The following SRL variants were observed in gnomAD, a reference collection of about 807,000 sequenced individuals.
SRL encodes the protein sarcalumenin.
In SRL, 23 loss-of-function variants were observed where a neutral mutation model predicts 39.5. The ratio of observed to expected loss-of-function variants is 0.58; its 90% CI spans 0.42 to 0.82. SRL has a LOEUF of 0.82. Ranked by LOEUF, SRL falls within the 40% of genes least tolerant of loss-of-function variation. The pLI is 0.00. For synonymous variants in SRL, 272 were observed against 237.4 expected (o/e 1.15, Z -1.34); for missense variants, 592 against 607.8 (o/e 0.97, Z 0.27).
At position 4,198,897 on chromosome 16, in the gene SRL, C is replaced by G. The variant is rs2052184259; in HGVS notation, c.260-982G>C. 1.3e-5 allele frequency among the ~76,000 whole-genome samples: 2 copies of G among 152,184 alleles called. 1 individual carries two copies. The highest frequency in any genetic ancestry group is 4.1e-4 in the South Asian group (2 of 4,828). On this transcript the variant is annotated intron_variant, in intron 3 of 5. Coordinates refer to ENST00000399609, the MANE Select transcript of SRL (RefSeq NM_001098814.2). ...GGGAGATGACCCTGCAAGGGCCACT[C>G]CAGGTGGGTCCCTAAGAGGAAAAAT...
At chr16:4,207,252 T>C (rs762810874) in intron 1 of SRL, 5 of 456,946 alleles carry the variant, frequency 1.1e-5, no homozygotes, top group African/African-American at 2.0e-5. Flanking sequence ...GGAGGCTTCA[T>C]CTGCGTCCTC....
rs1318158865 is a variant in SRL at position 4,192,710 on chromosome 16, A to G, written c.865T>C (p.Tyr289His). The change falls in exon 6 of 6, where the codon TAC (tyrosine) becomes CAC (histidine). Residue 289 changes from tyrosine to histidine, a missense_variant. Physicochemically the swap from Tyr to His is moderately conservative, Grantham distance 83 (BLOSUM62 2). Coordinates refer to ENST00000399609, the MANE Select transcript of SRL (RefSeq NM_001098814.2). The surrounding 1 kb of genome is among the most constrained non-coding windows in gnomAD (Gnocchi z 4.0). Reference protein sequence around the residue: ...LINVTEPPRVYVSSFWPQEYK... With the variant: ...LINVTEPPRVHVSSFWPQEYK... ...TCTTGTGGCCAGAAGGAGCTGACGT[A>G]AACCCTTGGGGGCTCTGTGACATTG... is the stretch of plus-strand genomic sequence containing the variant. 1 of 1,614,058 alleles carries G rather than the reference A, an allele frequency of 6.2e-7. No homozygotes were observed. Among genetic ancestry groups the G allele is most frequent in the Non-Finnish European group, 8.5e-7 (1 of 1,180,042 alleles).
At chr16:4,234,905 G>A (rs1311377709) in intron 1 of SRL, among the ~76,000 whole-genome samples, 1 of 152,218 alleles carries the variant, frequency 6.6e-6, no homozygotes, top group Non-Finnish European at 1.5e-5. Context: ...GACCTTGCCT[G>A]CCAAATGGGA....
chr16:4,193,081 C>T, intron 5 of SRL, 117 bp from the exon 6 acceptor site: 1 of 899,938 alleles, frequency 1.1e-6, no homozygotes, highest in Non-Finnish European at 1.6e-6. Flanking sequence ...TACGGATTTT[C>T]TGGGTTTCTA....
rs563488689 is a variant in SRL at position 4,230,366 on chromosome 16, G to A, written c.61+11641C>T. 2.7e-5 allele frequency among the ~76,000 whole-genome samples: 4 copies of A among 150,482 alleles called. No homozygotes were observed. The South Asian group carries it at 8.5e-4, about 32-fold the overall frequency. On this transcript the variant is annotated intron_variant, in intron 1 of 5. Transcript: ENST00000399609. ...TATCTCTAAAATTCATATCCACCTA[G>A]AACCTCAGAATGTGATTTTTTTTTT...
rs1024887079 is a variant in SRL, at chr16:4,189,629, G to A, written c.*2524C>T. On this transcript the variant is annotated 3_prime_UTR_variant, in exon 6 of 6. Coordinates refer to ENST00000399609, the MANE Select transcript of SRL (RefSeq NM_001098814.2). ...CTGATGGGCAGGCCTGTGAGCAGCA[G>A]AGACAAGAGAAATCAGAGAAGGAAC... is the stretch of plus-strand genomic sequence containing the variant. 2 of 152,282 alleles carry A rather than the reference G, an allele frequency of 1.3e-5. No individual in the cohort carries two copies. The highest frequency in any genetic ancestry group is 4.8e-5 in the African/African-American group (2 of 41,428). The allele number at this position is 152,282 out of a possible 1,614,324, so 9.4% of individuals were successfully genotyped here.
chr16:4,207,593 C>T, intron 1 of SRL: 1 of 447,546 alleles, frequency 2.2e-6, no homozygotes, highest in Non-Finnish European at 4.5e-6. Context: ...CCAGGCTGTC[C>T]CCTTGGACCT....
intron 1 of SRL, among the ~76,000 whole-genome samples, chr16:4,227,920 C>T (rs2052610776): frequency 6.6e-6 from 1 of 152,196 alleles, no homozygotes; most frequent in Admixed American, 6.5e-5. Flanking sequence ...AACTTCAGGG[C>T]AGCTCCTGAG....
intron 1 of SRL, among the ~76,000 whole-genome samples, chr16:4,238,587 A>G (rs1256835354): frequency 6.6e-6 from 1 of 151,812 alleles, no homozygotes; most frequent in Non-Finnish European, 1.5e-5. Context: ...AGCAGTTCCT[A>G]AACAGCAGTT....
intron 1 of SRL, chr16:4,207,879 C>G (rs747326218): frequency 4.4e-6 from 2 of 456,572 alleles, no homozygotes; most frequent in South Asian, 1.5e-5. Flanking sequence ...ATTGGAGAGG[C>G]TGGCTTCAGG....
intron 1 of SRL, among the ~76,000 whole-genome samples, chr16:4,205,456 A>G (rs1862861): frequency 0.22 from 33,900 of 152,070 alleles, 4,212 homozygotes; most frequent in Middle Eastern, 0.44. Flanking sequence ...ATCATTACAG[A>G]TGATGAGGTG....
At chr16:4,223,552 AT>A (rs796106556) in intron 1 of SRL, among the ~76,000 whole-genome samples, 218 of 143,490 alleles carry the variant, frequency 1.5e-3, no homozygotes, top group East Asian at 4.9e-3. Context: ...AGGTTTTTAA[AT>A]TTTTTTTTTT....
chr16:4,223,631 C>T (rs966097485), intron 1 of SRL, among the ~76,000 whole-genome samples: 9 of 151,994 alleles, frequency 5.9e-5, no homozygotes, highest in Non-Finnish European at 1.3e-4. Context: ...AGTGATCCTC[C>T]CACCTGGGCC....
intron 1 of SRL, among the ~76,000 whole-genome samples, chr16:4,239,413 C>T (rs560974345): frequency 1.3e-5 from 2 of 152,346 alleles, no homozygotes; most frequent in African/African-American, 4.8e-5. Context: ...GATCCCCAAT[C>T]TCCGTATCAA....
chr16:4,195,887 A>C (rs2052133933), intron 4 of SRL, 101 bp from the exon 5 acceptor site: 1 of 961,912 alleles, frequency 1.0e-6, no homozygotes, highest in African/African-American at 1.6e-5. Context: ...AGACTTTTGC[A>C]ACAGAATTGG....
At chr16:4,196,582 G>C (rs534102303) in intron 4 of SRL, among the ~76,000 whole-genome samples, 2 of 150,490 alleles carry the variant, frequency 1.3e-5, no homozygotes, top group African/African-American at 4.9e-5. Context: ...CCGGGTTCAA[G>C]CGATTCTCCT....
rs762197454 is a variant in SRL at position 4,208,942 on chromosome 16, C to A, written c.62-4308G>T. ...GTAGGGGCCTCATCTGTGCCAGAGACCTCTGTCAAGGATCAAGTTTAATAT... is the reference window on the plus strand; with the variant it reads ...GTAGGGGCCTCATCTGTGCCAGAGAACTCTGTCAAGGATCAAGTTTAATAT... On this transcript the variant is annotated intron_variant, in intron 1 of 5. Transcript: ENST00000399609. Among the ~76,000 whole-genome samples the A allele has an allele frequency of 7.9e-5, 12 of 152,220 alleles. 1 individual carries two copies. In the South Asian group the frequency reaches 2.5e-3, roughly 32 times the overall value.
chr16:4,225,685 G>A (rs1000375375), intron 1 of SRL, among the ~76,000 whole-genome samples: 3 of 151,788 alleles, frequency 2.0e-5, no homozygotes, highest in Admixed American at 6.6e-5. Flanking sequence ...TGCCCCCACC[G>A]GCTCCCTGGC....
At chr16:4,195,438 T>G in intron 5 of SRL, 115 bp downstream of exon 5, 2 of 1,028,438 alleles carry the variant, frequency 1.9e-6, no homozygotes, top group East Asian at 4.8e-5. Flanking sequence ...CCTCAAGGGA[T>G]CCTCCTGTCT....
Sources: gnomAD v4.1 joint callset for allele counts (sites outside exome capture counted in the v4.1 genomes callset) on GRCh38, gnomAD v4.1.1 for gene constraint, Gnocchi (gnomAD v3.1) non-coding constraint, MANE v1.5 for transcripts, NCBI Gene and HGNC (gene_info 2026-07-23, HGNC 2026-07-21) for gene names.